The following PNRC2 variants were observed in gnomAD, a reference collection of about 807,000 sequenced individuals.
The protein encoded by PNRC2 is proline-rich nuclear receptor coactivator 2.
A neutral mutation model predicts 12.2 loss-of-function variants in PNRC2; 2 were observed. The observed-to-expected ratio is 0.16, with a 90% confidence interval of 0.07 to 0.52. The LOEUF (loss-of-function observed/expected upper bound fraction) is 0.52. Among genes scored for constraint, PNRC2 ranks in the 20% least tolerant of loss-of-function variants. The probability of loss-of-function intolerance (pLI) is 0.95; values close to 1 mark genes in which losing one functional copy is unlikely to be tolerated. For missense variants in PNRC2, 115 were observed against 158.4 expected (o/e 0.73, Z 1.47); for synonymous variants, 44 against 53.9 (o/e 0.82, Z 0.80).
chr1:23,961,324 T>C, intron 2 of PNRC2, 116 bp from the exon 3 acceptor site: 1 of 209,630 alleles, frequency 4.8e-6, no homozygotes, highest in Non-Finnish European at 7.3e-6. Flanking sequence ...AATAGCCTGT[T>C]ATTGAGTCTT....
chr1:23,961,724 TA>T lies in PNRC2; in HGVS notation c.269del (p.Asn90IlefsTer37). Reference protein sequence around the residue: ...GPRLLFKSQANQNYAGAKFSE... With the variant: ...GPRLLFKSQAXQNYAGAKFSE... ...CCAGGTTACTTTTTAAATCTCAAGCTAATCAGAACTATGCTGGTGCCAAATT... is the reference window on the plus strand; with the variant it reads ...CCAGGTTACTTTTTAAATCTCAAGCTATCAGAACTATGCTGGTGCCAAATT... On this transcript the variant is annotated frameshift_variant, in exon 3 of 3. Transcript: ENST00000334351. LOFTEE classifies it high-confidence loss of function. 6.2e-7 allele frequency: 1 copy of T among 1,614,036 alleles called. No individual in the cohort carries two copies. The highest frequency in any genetic ancestry group is 8.5e-7 in the Non-Finnish European group (1 of 1,179,874).
chr1:23,961,884 A>G lies in PNRC2; in HGVS notation c.*7A>G, dbSNP rs759561879. 1.3e-6 allele frequency: 2 copies of G among 1,494,016 alleles called. No homozygotes were observed. Among genetic ancestry groups the G allele is most frequent in the African/African-American group, 2.8e-5 (2 of 70,850 alleles). The allele number at this position is 1,494,016 out of a possible 1,614,324, so 92.5% of individuals were successfully genotyped here. A position where few individuals can be genotyped will look rare whatever the true frequency, so the allele number is the denominator to read the frequency against. On this transcript the variant is annotated 3_prime_UTR_variant, in exon 3 of 3. Transcript: ENST00000334351. Reference sequence around the variant, plus strand: ...ACTTAAAGTACAGGTATAAAATAAGACAAATGTTTAAATTTAGTTATGTTC... The same window carrying G: ...ACTTAAAGTACAGGTATAAAATAAGGCAAATGTTTAAATTTAGTTATGTTC...
Position 23,961,763 on chromosome 1 carries a change from A to G in PNRC2, c.306A>G (p.Pro102=). ...NYAGAKFSEP[P]SPSVLPKPPS... ...CTGGTGCCAAATTTAGTGAGCCGCCATCACCAAGTGTTCTTCCCAAACCAC... is the reference window on the plus strand; with the variant it reads ...CTGGTGCCAAATTTAGTGAGCCGCCGTCACCAAGTGTTCTTCCCAAACCAC... The change falls in exon 3 of 3, where the codon CCA becomes CCG. Residue 102 remains proline (P), a synonymous_variant. Transcript: ENST00000334351. 6 of 1,613,994 alleles carry G rather than the reference A, an allele frequency of 3.7e-6. No individual in the cohort carries two copies. Among genetic ancestry groups the G allele is most frequent in the Non-Finnish European group, 5.1e-6 (6 of 1,179,868 alleles).
At chr1:23,960,729 AGGAGT>A (rs1435519054) in intron 1 of PNRC2, among the ~76,000 whole-genome samples, 195 bp from the exon 2 acceptor site, 1 of 152,238 alleles carries the variant, frequency 6.6e-6, no homozygotes, top group Non-Finnish European at 1.5e-5. Context: ...AAAATTCCCC[AGGAGT>A]GACTGGATCT....
In PNRC2 at chr1:23,961,700, C is replaced by G; in HGVS notation, c.243C>G (p.Pro81=). ...GTTGGAATTCTAGCTTATCAGGTCCCAGGTTACTTTTTAAATCTCAAGCTA... is the reference window on the plus strand; with the variant it reads ...GTTGGAATTCTAGCTTATCAGGTCCGAGGTTACTTTTTAAATCTCAAGCTA... ...NQSWNSSLSG[P]RLLFKSQANQ... Residue 81 remains proline, a synonymous_variant, in exon 3 of 3, where the codon CCC becomes CCG. Coordinates refer to ENST00000334351, the MANE Select transcript of PNRC2 (RefSeq NM_017761.4). 6.2e-7 allele frequency: 1 copy of G among 1,613,934 alleles called. No individual in the cohort carries two copies. Among genetic ancestry groups the G allele is most frequent in the Non-Finnish European group, 8.5e-7 (1 of 1,179,852 alleles).
rs904134221 is a variant in PNRC2, at chr1:23,963,137, G to A, written c.*1260G>A. The A allele has an allele frequency of 1.2e-5, 2 of 167,016 alleles. No individual in the cohort carries two copies. Among genetic ancestry groups the A allele is most frequent in the African/African-American group, 4.8e-5 (2 of 41,438 alleles). The allele number at this position is 167,016 out of a possible 1,614,324, so 10.3% of individuals were successfully genotyped here. On this transcript the variant is annotated 3_prime_UTR_variant, in exon 3 of 3. Transcript: ENST00000334351. Reference sequence around the variant, plus strand: ...AACCCAATGGACCACTTATGCAAAAGATGTAAACTCTTGCATAATACATTG... The same window carrying A: ...AACCCAATGGACCACTTATGCAAAAAATGTAAACTCTTGCATAATACATTG...
Position 23,961,531 on chromosome 1 carries a change from A to G in PNRC2, c.74A>G (p.Asn25Ser), listed in dbSNP as rs1241717942. 2 of 1,613,526 alleles carry G rather than the reference A, an allele frequency of 1.2e-6. No individual in the cohort carries two copies. Among genetic ancestry groups the G allele is most frequent in the Admixed American group, 1.7e-5 (1 of 59,944 alleles). Residue 25 changes from asparagine (N) to serine (S), a missense_variant, in exon 3 of 3, where the codon AAC becomes AGC. This residue lies in a region of PNRC2 where 98 missense variants were observed against 112.4 expected (regional missense o/e 0.87). Transcript: ENST00000334351. ...GTTAGTAAGAACCAACAACAGCTTA[A>G]CAGACAGAAGACCAAGGAACAGAAT... ...RNVSKNQQQL[N>S]RQKTKEQNSQ...
intron 1 of PNRC2, among the ~76,000 whole-genome samples, chr1:23,960,494 T>C (rs757346645): frequency 4.7e-4 from 72 of 152,212 alleles, no homozygotes; most frequent in Non-Finnish European, 9.7e-4. Context: ...GCGTGATGTC[T>C]ACATGTTCCA....
rs1329594807 is a variant in PNRC2 at position 23,962,811 on chromosome 1, C to G, written c.*934C>G. Reference sequence around the variant, plus strand: ...AAAATAACTTGTTTTTAAAGTTTGCCCTTGTGCTAAAGTGCCAGTGTATGT... The same window carrying G: ...AAAATAACTTGTTTTTAAAGTTTGCGCTTGTGCTAAAGTGCCAGTGTATGT... On this transcript the variant is annotated 3_prime_UTR_variant, in exon 3 of 3. Transcript: ENST00000334351. 3.5e-4 allele frequency: 59 copies of G among 166,496 alleles called. 1 individual carries two copies. Among genetic ancestry groups the G allele is most frequent in the Non-Finnish European group, 7.8e-4 (53 of 67,970 alleles). The allele number at this position is 166,496 out of a possible 1,614,324, so 10.3% of individuals were successfully genotyped here. A position where few individuals can be genotyped will look rare whatever the true frequency, so the allele number is the denominator to read the frequency against.
chr1:23,959,625 G>C (rs1183747371), upstream of PNRC2, among the ~76,000 whole-genome samples: 2 of 152,192 alleles, frequency 1.3e-5, no homozygotes, highest in Non-Finnish European at 2.9e-5. Context: ...AGACACCGGT[G>C]GACCGAGCAG....
chr1:23,963,403 G>A lies in PNRC2; in HGVS notation c.*1526G>A, dbSNP rs1489173009. The A allele has an allele frequency of 1.1e-4, 8 of 73,508 alleles. No homozygotes were observed. The East Asian group carries it at 3.8e-3, about 35-fold the overall frequency. The allele number at this position is 73,508 out of a possible 1,614,324, so 4.6% of individuals were successfully genotyped here. On this transcript the variant is annotated 3_prime_UTR_variant, in exon 3 of 3. Coordinates refer to ENST00000334351, the MANE Select transcript of PNRC2 (RefSeq NM_017761.4). ...ATGTAGTACTTAATGTACATGATAT[G>A]AATGTGAAGCATAAAATTAAATAAA...
At position 23,962,634 on chromosome 1, in the gene PNRC2, G is replaced by A. The variant is rs1452460737; in HGVS notation, c.*757G>A. On this transcript the variant is annotated 3_prime_UTR_variant, in exon 3 of 3. Transcript: ENST00000334351. The stretch of plus-strand genomic sequence containing the variant: ...ATGTGAAAATTTTAAGTACCTAGGG[G>A]AGAAAGAGCCATGTAAATATCTGTA... 6 of 167,036 alleles carry A rather than the reference G, an allele frequency of 3.6e-5. No individual in the cohort carries two copies. The highest frequency in any genetic ancestry group is 8.8e-5 in the Non-Finnish European group (6 of 68,088). The allele number at this position is 167,036 out of a possible 1,614,324, so 10.3% of individuals were successfully genotyped here.
Position 23,960,936 on chromosome 1 carries a change from TTC to T in PNRC2, c.-212_-211del, listed in dbSNP as rs1641266209. 2.5e-6 allele frequency: 1 copy of T among 398,984 alleles called. No homozygotes were observed. The highest frequency in any genetic ancestry group is 4.4e-6 in the Non-Finnish European group (1 of 226,110). 24.7% of individuals were successfully genotyped at this position (398,984 alleles called of 1,614,324 possible). ...TAATCTTTACTTTTCTAGCTAGGACTTCTCTCAAACTTGTGTGCTGAGGAGAC... is the reference window on the plus strand; with the variant it reads ...TAATCTTTACTTTTCTAGCTAGGACTTCTCAAACTTGTGTGCTGAGGAGAC... On this transcript the variant is annotated 5_prime_UTR_variant, in exon 2 of 3. Transcript: ENST00000334351.
chr1:23,959,591 G>C (rs1641237466), upstream of PNRC2, among the ~76,000 whole-genome samples: 1 of 152,208 alleles, frequency 6.6e-6, no homozygotes. Flanking sequence ...CAGGGGCGCG[G>C]AGAGGCCGCC....
chr1:23,960,626 C>G (rs1357438585), intron 1 of PNRC2, among the ~76,000 whole-genome samples: 4 of 152,190 alleles, frequency 2.6e-5, no homozygotes, highest in Admixed American at 6.5e-5. Context: ...CAACATTTAA[C>G]ACTTCCTTGA....
At position 23,961,717 on chromosome 1, in the gene PNRC2, C is replaced by G. The variant is rs1327462293; in HGVS notation, c.260C>G (p.Ser87Cys). Residue 87 changes from serine (S) to cysteine (C), a missense_variant, in exon 3 of 3, where the codon TCT (serine) becomes TGT (cysteine). Transcript: ENST00000334351. ...TCAGGTCCCAGGTTACTTTTTAAAT[C>G]TCAAGCTAATCAGAACTATGCTGGT... The part of the protein sequence containing the change: ...SLSGPRLLFK[S>C]QANQNYAGAK... 82 of 1,613,872 alleles carry G rather than the reference C, an allele frequency of 5.1e-5. No homozygotes were observed. The highest frequency in any genetic ancestry group is 6.7e-5 in the Non-Finnish European group (79 of 1,179,864).
chr1:23,963,427 A>C lies in PNRC2; in HGVS notation c.*1550A>C, dbSNP rs1420230294. ...TGAATGTGAAGCATAAAATTAAATA[A>C]AATTTTTCCCCATTGGCTTGGTTTT... On this transcript the variant is annotated 3_prime_UTR_variant, in exon 3 of 3. Coordinates refer to ENST00000334351, the MANE Select transcript of PNRC2 (RefSeq NM_017761.4). 6.0e-6 allele frequency: 1 copy of C among 166,042 alleles called. No individual in the cohort carries two copies. The highest frequency in any genetic ancestry group is 1.5e-5 in the Non-Finnish European group (1 of 68,002). 10.3% of individuals were successfully genotyped at this position (166,042 alleles called of 1,614,324 possible).
At chr1:23,960,662 T>G (rs1485700570) in intron 1 of PNRC2, among the ~76,000 whole-genome samples, 1 of 152,202 alleles carries the variant, frequency 6.6e-6, no homozygotes. Context: ...AATCTGAAGG[T>G]CTTTCCCAGG....
chr1:23,959,590 G>C (rs1570750043), upstream of PNRC2, among the ~76,000 whole-genome samples: 1 of 152,122 alleles, frequency 6.6e-6, no homozygotes, highest in African/African-American at 2.4e-5. Flanking sequence ...CCAGGGGCGC[G>C]GAGAGGCCGC....
Sources: gnomAD v4.1 joint callset for allele counts (sites outside exome capture counted in the v4.1 genomes callset) on GRCh38, gnomAD v4.1.1 for gene constraint, gnomAD v4.1.1 regional missense constraint, MANE v1.5 for transcripts, NCBI Gene and HGNC (gene_info 2026-07-23, HGNC 2026-07-21) for gene names.